The following ROBO1 variants were observed in gnomAD, a reference collection of about 807,000 sequenced individuals.
ROBO1 encodes the protein roundabout homolog 1.
Under a neutral mutation model 195.9 loss-of-function variants are expected in ROBO1, and 149 were observed. That is an observed-to-expected ratio of 0.76 (90% CI 0.67 to 0.87). The LOEUF (loss-of-function observed/expected upper bound fraction) is 0.87. ROBO1 is among the 40% of genes least tolerant of loss of function. The pLI is 0.00. For missense variants in ROBO1, 1,933 were observed against 2,068.3 expected (o/e 0.93, Z 1.27); for synonymous variants, 816 against 733.2 (o/e 1.11, Z -1.82).
chr3:79,373,213 C>T (rs2036263091), intron 2 of ROBO1, among the ~76,000 whole-genome samples: 1 of 152,124 alleles, frequency 6.6e-6, no homozygotes, highest in South Asian at 2.1e-4. Flanking sequence ...AGAAGTAAAG[C>T]TAATGATGTC....
At chr3:79,745,977 T>C (rs1703858969) in intron 1 of ROBO1, among the ~76,000 whole-genome samples, 1 of 152,122 alleles carries the variant, frequency 6.6e-6, no homozygotes, top group Non-Finnish European at 1.5e-5. Context: ...GCTTTCATGT[T>C]AACTTAACAG....
chr3:79,108,350 T>G (rs1334381042), intron 3 of ROBO1, among the ~76,000 whole-genome samples: 3 of 151,760 alleles, frequency 2.0e-5, no homozygotes, highest in African/African-American at 7.2e-5. Context: ...TTCACCTATT[T>G]AGTCACTTTA....
chr3:78,757,505 T>TA (rs1313101501), intron 4 of ROBO1, among the ~76,000 whole-genome samples: 1 of 151,776 alleles, frequency 6.6e-6, no homozygotes, highest in African/African-American at 2.4e-5. Context: ...TACCAGCAGT[T>TA]AAATAGGAGA....
At chr3:79,671,195 T>C (rs1465796806) in intron 1 of ROBO1, among the ~76,000 whole-genome samples, 1 of 151,814 alleles carries the variant, frequency 6.6e-6, no homozygotes, top group Non-Finnish European at 1.5e-5. Context: ...TTACATACAT[T>C]ATGTTAGAAG....
At chr3:78,825,447 TC>T (rs1418036926) in intron 4 of ROBO1, among the ~76,000 whole-genome samples, 3 of 152,122 alleles carry the variant, frequency 2.0e-5, no homozygotes, top group African/African-American at 7.2e-5. Flanking sequence ...GTTAGAAATG[TC>T]CCAGTCCCAA....
intron 1 of ROBO1, among the ~76,000 whole-genome samples, chr3:79,655,479 G>A (rs1946131241): frequency 6.6e-6 from 1 of 152,034 alleles, no homozygotes; most frequent in Non-Finnish European, 1.5e-5. Flanking sequence ...TTAGCCTGTG[G>A]AATGTATGTT....
chr3:79,008,282 T>C (rs1240144955), intron 3 of ROBO1, among the ~76,000 whole-genome samples: 1 of 152,170 alleles, frequency 6.6e-6, no homozygotes, highest in African/African-American at 2.4e-5. Context: ...TATTAAAAGC[T>C]CTTGCACATT....
At chr3:78,817,561 G>C (rs553032095) in intron 4 of ROBO1, among the ~76,000 whole-genome samples, 1 of 152,020 alleles carries the variant, frequency 6.6e-6, no homozygotes, top group Non-Finnish European at 1.5e-5. Flanking sequence ...AACACAAATG[G>C]CATGCTCAAT....
At chr3:79,562,944 T>C (rs1309324771) in intron 2 of ROBO1, among the ~76,000 whole-genome samples, 1 of 152,006 alleles carries the variant, frequency 6.6e-6, no homozygotes, top group Admixed American at 6.6e-5. Flanking sequence ...TTTGACATAT[T>C]TGAAGAAATT....
At chr3:78,673,505 T>A (rs1708187614) in intron 10 of ROBO1, among the ~76,000 whole-genome samples, 1 of 136,842 alleles carries the variant, frequency 7.3e-6, no homozygotes, top group Admixed American at 7.9e-5. Context: ...ATAAAATATA[T>A]AAAATAATAT....
intron 18 of ROBO1, among the ~76,000 whole-genome samples, chr3:78,652,969 A>C (rs1706771228): frequency 6.6e-6 from 1 of 152,104 alleles, no homozygotes; most frequent in Non-Finnish European, 1.5e-5. Flanking sequence ...ACTGTGCAGA[A>C]TTCCCACCTC....
intron 2 of ROBO1, among the ~76,000 whole-genome samples, chr3:79,364,269 C>T (rs1398508360): frequency 6.7e-6 from 1 of 149,216 alleles, no homozygotes; most frequent in African/African-American, 2.5e-5. Context: ...TATACACACA[C>T]ACATATATAT....
chr3:78,613,691 A>G (rs1703944987), intron 28 of ROBO1, among the ~76,000 whole-genome samples: 1 of 152,218 alleles, frequency 6.6e-6, no homozygotes, highest in South Asian at 2.1e-4. Flanking sequence ...TTTGTATTAA[A>G]TTCTTCTGTC....
At position 79,440,911 on chromosome 3, in the gene ROBO1, T is replaced by C. The variant is rs2039032002; in HGVS notation, c.88+148913A>G. Among the ~76,000 whole-genome samples the C allele has an allele frequency of 2.6e-5, 4 of 152,110 alleles. No homozygotes were observed. The South Asian group carries it at 6.2e-4, about 24-fold the overall frequency. ...GATTCAGATCTCTATTCTATTTTCA[T>C]AGACATGCAAGCAAATATTTTCAAC... On this transcript the variant is annotated intron_variant, in intron 2 of 30. Coordinates refer to ENST00000464233, the MANE Select transcript of ROBO1 (RefSeq NM_002941.4).
At chr3:79,544,916 A>C (rs1193011220) in intron 2 of ROBO1, among the ~76,000 whole-genome samples, 1 of 152,118 alleles carries the variant, frequency 6.6e-6, no homozygotes, top group Non-Finnish European at 1.5e-5. Context: ...TATCCATCCA[A>C]CTTAACTAAC....
intron 2 of ROBO1, among the ~76,000 whole-genome samples, chr3:79,361,639 T>C (rs987311490): frequency 4.6e-4 from 70 of 152,234 alleles, no homozygotes; most frequent in African/African-American, 1.7e-3. Context: ...TACGCTGCGA[T>C]GGCTGATAAA....
chr3:79,013,826 G>A (rs939256144), intron 3 of ROBO1, among the ~76,000 whole-genome samples: 5 of 152,162 alleles, frequency 3.3e-5, no homozygotes, highest in Non-Finnish European at 7.3e-5. Flanking sequence ...GATAGTCCTA[G>A]CTTCACAGTA....
At chr3:79,663,134 T>A (rs940749695) in intron 1 of ROBO1, among the ~76,000 whole-genome samples, 1 of 152,110 alleles carries the variant, frequency 6.6e-6, no homozygotes, top group Non-Finnish European at 1.5e-5. Context: ...AGCTTATCAC[T>A]TATCAAATAC....
chr3:78,676,308 G>A (rs1292071211), intron 10 of ROBO1, among the ~76,000 whole-genome samples: 20 of 152,284 alleles, frequency 1.3e-4, no homozygotes, highest in African/African-American at 3.6e-4. Flanking sequence ...CACCAGCAAC[G>A]GAACAAAGCT....
Sources: allele counts gnomAD v4.1 joint callset (sites outside exome capture counted in the v4.1 genomes callset), GRCh38; gene constraint gnomAD v4.1.1; transcripts MANE v1.5; gene names NCBI Gene and HGNC (gene_info 2026-07-23, HGNC 2026-07-21).